Variants in ARHGEF18 observed in about 807,000 individuals in gnomAD.
The protein encoded by ARHGEF18 is rho guanine nucleotide exchange factor 18.
Under a neutral mutation model 155.7 loss-of-function variants are expected in ARHGEF18, and 93 were observed. The observed-to-expected ratio is 0.60, with a 90% CI of 0.50 to 0.71. The LOEUF (loss-of-function observed/expected upper bound fraction) is 0.71. ARHGEF18 is among the 30% of genes least tolerant of loss of function. ARHGEF18 has a pLI of 0.00. For synonymous variants in ARHGEF18, 742 were observed against 753.1 expected (o/e 0.99, Z 0.24); for missense variants, 1,593 against 1,816.1 (o/e 0.88, Z 2.23).
chr19:7,432,269 T>A (rs1232387512), intron 10 of ARHGEF18, among the ~76,000 whole-genome samples: 2 of 152,124 alleles, frequency 1.3e-5, no homozygotes, highest in Admixed American at 1.3e-4. Context: ...TAATTGTCTC[T>A]CGAACACTCA....
At position 7,398,115 on chromosome 19, in the gene ARHGEF18, C is replaced by T. The variant is rs142827566; in HGVS notation, c.967+14912C>T. Among the ~76,000 whole-genome samples, 1,093 of 152,230 alleles carry T rather than the reference C, an allele frequency of 7.2e-3. 7 individuals carry two copies. The highest frequency in any genetic ancestry group is 0.025 in the African/African-American group (1,048 of 41,548). ...TTTGAGACGGTCTCGCTCTGGCGCC[C>T]AGGCTGGAGTGCAGTGGTGTGATCT... On this transcript the variant is annotated intron_variant, in intron 10 of 28. Coordinates refer to ENST00000668164, the MANE Select transcript of ARHGEF18 (RefSeq NM_001367823.1).
At chr19:7,386,132 A>T (rs1193313087) in intron 10 of ARHGEF18, among the ~76,000 whole-genome samples, 3 of 147,108 alleles carry the variant, frequency 2.0e-5, no homozygotes. Flanking sequence ...GAATCCTCCC[A>T]CCTCAGCCTC....
In ARHGEF18 at chr19:7,412,936, T is replaced by C. The variant is rs144566027; in HGVS notation, c.968-27408T>C. ...ATTTGTGAATGGGAGTATTTGTTTT[T>C]TATTGTTGAGTTGGAGGAGTCCCCT... On this transcript the variant is annotated intron_variant, in intron 10 of 28. Coordinates refer to ENST00000668164, the MANE Select transcript of ARHGEF18 (RefSeq NM_001367823.1). Among the ~76,000 whole-genome samples, 399 of 152,146 alleles carry C rather than the reference T, an allele frequency of 2.6e-3. 13 individuals are homozygous for C. In the East Asian group the frequency reaches 0.066, roughly 25 times the overall value.
intron 10 of ARHGEF18, among the ~76,000 whole-genome samples, chr19:7,429,766 G>C (rs1482650501): frequency 1.3e-5 from 2 of 152,126 alleles, no homozygotes; most frequent in East Asian, 3.9e-4. Context: ...GGCTCTAGAA[G>C]ATCCCACAAG....
chr19:7,393,284 A>G (rs1446452801), intron 10 of ARHGEF18, among the ~76,000 whole-genome samples: 1 of 152,168 alleles, frequency 6.6e-6, no homozygotes, highest in Non-Finnish European at 1.5e-5. Flanking sequence ...ACTGAAGGCT[A>G]GTCCACCTGG....
intron 10 of ARHGEF18, 68 bp downstream of exon 10, chr19:7,383,271 C>T (rs559831939): frequency 1.3e-4 from 165 of 1,229,350 alleles, no homozygotes; most frequent in Non-Finnish European, 1.7e-4. Context: ...TCCTTTCAAT[C>T]ATACTCCTGG....
chr19:7,394,966 C>A, intron 10 of ARHGEF18: 1 of 869,222 alleles, frequency 1.2e-6, no homozygotes, highest in Non-Finnish European at 1.4e-6. Flanking sequence ...CCGCGCCCCT[C>A]TCAAGGCCGA....
intron 14 of ARHGEF18, among the ~76,000 whole-genome samples, chr19:7,445,959 CT>C (rs35173328): frequency 6.6e-6 from 1 of 152,056 alleles, no homozygotes; most frequent in Non-Finnish European, 1.5e-5. Flanking sequence ...CTGAAATTTA[CT>C]TTTTTTCTCG....
At chr19:7,394,988 C>G in intron 10 of ARHGEF18, 1 of 951,578 alleles carries the variant, frequency 1.1e-6, no homozygotes, top group South Asian at 4.9e-5. Flanking sequence ...CCGACGCCCC[C>G]TCACCACGGC....
intron 1 of ARHGEF18, among the ~76,000 whole-genome samples, chr19:7,357,187 TG>T (rs1969342414): frequency 6.6e-6 from 1 of 152,186 alleles, no homozygotes; most frequent in South Asian, 2.1e-4. Context: ...GTGTTCTGAC[TG>T]ATGAACAAAG....
chr19:7,424,614 C>A (rs1345117462), intron 10 of ARHGEF18, among the ~76,000 whole-genome samples: 1 of 152,140 alleles, frequency 6.6e-6, no homozygotes, highest in African/African-American at 2.4e-5. Flanking sequence ...GATGGGGGCA[C>A]AGAGACATTT....
chr19:7,467,499 C>A lies in ARHGEF18; in HGVS notation c.3295C>A (p.Arg1099Ser). ...QEREGEARQL[R>S]ERLEQERAEL... Reference sequence around the variant, plus strand: ...GCGCGAGGGCGAGGCGCGGCAGCTACGCGAGCGGCTGGAGCAGGAGCGGGC... The same window carrying A: ...GCGCGAGGGCGAGGCGCGGCAGCTAAGCGAGCGGCTGGAGCAGGAGCGGGC... The change falls in exon 26 of 29, where the codon CGC becomes AGC. Residue 1099 changes from arginine to serine, a missense_variant. By Grantham distance (110) the Arg-to-Ser change is moderately radical (BLOSUM62 -1). Coordinates refer to ENST00000668164, the MANE Select transcript of ARHGEF18 (RefSeq NM_001367823.1). 7.0e-7 allele frequency: 1 copy of A among 1,433,682 alleles called. No homozygotes were observed. Among genetic ancestry groups the A allele is most frequent in the South Asian group, 1.4e-5 (1 of 69,216 alleles). The allele number at this position is 1,433,682 out of a possible 1,614,324, so 88.8% of individuals were successfully genotyped here.
At chr19:7,431,553 C>T (rs1033201159) in intron 10 of ARHGEF18, among the ~76,000 whole-genome samples, 9 of 148,484 alleles carry the variant, frequency 6.1e-5, no homozygotes, top group African/African-American at 1.5e-4. Flanking sequence ...CAGTGGCTCA[C>T]GCCTTTAATC....
At chr19:7,386,580 A>G (rs1246130361) in intron 10 of ARHGEF18, among the ~76,000 whole-genome samples, 3 of 152,028 alleles carry the variant, frequency 2.0e-5, no homozygotes, top group Non-Finnish European at 4.4e-5. Flanking sequence ...CCCTGTGGAT[A>G]GGTAGGGAAG....
At chr19:7,389,530 ATTTAC>A (rs950099634) in intron 10 of ARHGEF18, among the ~76,000 whole-genome samples, 6 of 123,522 alleles carry the variant, frequency 4.9e-5, no homozygotes, top group Admixed American at 2.4e-4. Flanking sequence ...TTTCTTTCTT[ATTTAC>A]TTATTTTTTT....
intron 10 of ARHGEF18, among the ~76,000 whole-genome samples, chr19:7,389,777 C>T (rs1014821329): frequency 1.3e-5 from 2 of 152,098 alleles, no homozygotes; most frequent in Non-Finnish European, 2.9e-5. Flanking sequence ...TCAAGCGATC[C>T]GCCCACGAGT....
At chr19:7,371,311 T>C (rs1970195979) in intron 2 of ARHGEF18, among the ~76,000 whole-genome samples, 1 of 152,094 alleles carries the variant, frequency 6.6e-6, no homozygotes, top group Non-Finnish European at 1.5e-5. Flanking sequence ...GATGAGAAAG[T>C]TCTGGAGATA....
At chr19:7,368,144 T>C (rs1027079517) in intron 2 of ARHGEF18, among the ~76,000 whole-genome samples, 1 of 151,850 alleles carries the variant, frequency 6.6e-6, no homozygotes, top group Non-Finnish European at 1.5e-5. Flanking sequence ...TATGCTTTGG[T>C]GTGTTATCTT....
intron 8 of ARHGEF18, among the ~76,000 whole-genome samples, chr19:7,381,719 AAAT>A (rs1970752322): frequency 6.6e-6 from 1 of 151,330 alleles, no homozygotes; most frequent in African/African-American, 2.4e-5. Context: ...ATAAATAAAT[AAAT>A]AAAAATAAAA....
Sources: gnomAD v4.1 joint callset for allele counts (sites outside exome capture counted in the v4.1 genomes callset) on GRCh38, gnomAD v4.1.1 for gene constraint, MANE v1.5 for transcripts, NCBI Gene and HGNC (gene_info 2026-07-23, HGNC 2026-07-21) for gene names.